NDST3: variants seen among roughly 807,000 people sequenced by gnomAD.
NDST3 encodes bifunctional heparan sulfate N-deacetylase/N-sulfotransferase 3.
In NDST3, 58 loss-of-function variants were observed where a neutral mutation model predicts 96.1. The observed-to-expected ratio is 0.60, with a 90% CI of 0.49 to 0.75. The LOEUF is 0.75. Among genes scored for constraint, NDST3 ranks in the 30% least tolerant of loss-of-function variants. The pLI is 0.00. For synonymous variants in NDST3, 333 were observed against 359.7 expected (o/e 0.93, Z 0.84); for missense variants, 788 against 1,034.2 (o/e 0.76, Z 3.27).
intron 6 of NDST3, chr4:118,193,390 G>A: frequency 1.2e-5 from 7 of 604,622 alleles, no homozygotes; most frequent in South Asian, 2.0e-5. Context: ...CAGGAGTAGG[G>A]CTGGTGGAGA....
intron 6 of NDST3, among the ~76,000 whole-genome samples, chr4:118,213,836 T>A (rs1424772232): frequency 1.3e-5 from 2 of 151,958 alleles, no homozygotes; most frequent in African/African-American, 4.8e-5. Context: ...GACTGTATAA[T>A]TTTTAAAAGC....
At chr4:118,114,679 A>T in intron 3 of NDST3, 127 bp from the exon 4 acceptor site, 1 of 1,021,028 alleles carries the variant, frequency 9.8e-7, no homozygotes, top group Non-Finnish European at 1.4e-6. Flanking sequence ...TTAAAGCCTT[A>T]TACGTAAAAC....
In NDST3 at chr4:118,206,516, G is replaced by A. The variant is rs767020906; in HGVS notation, c.1540-17975G>A. Among the ~76,000 whole-genome samples, 39 of 144,566 alleles carry A rather than the reference G, an allele frequency of 2.7e-4. 8 individuals carry two copies. Among genetic ancestry groups the A allele is most frequent in the Non-Finnish European group, 5.8e-4 (38 of 65,218 alleles). 94.8% of individuals were successfully genotyped at this position (144,566 alleles called of 152,430 possible). A position where few individuals can be genotyped will look rare whatever the true frequency, so the allele number is the denominator to read the frequency against. On this transcript the variant is annotated intron_variant, in intron 6 of 13. Transcript: ENST00000296499. ...TCTGGAATATAGGGTGTATGTGGTA[G>A]AAGATAAAACTCAAGAATGAATATA...
At chr4:118,242,390 G>A (rs1412871449) in intron 12 of NDST3, among the ~76,000 whole-genome samples, 1 of 152,114 alleles carries the variant, frequency 6.6e-6, no homozygotes, top group East Asian at 1.9e-4. Flanking sequence ...AAATAAAACA[G>A]TGGTAAATCT....
At chr4:118,133,384 G>A (rs1732799528) in intron 4 of NDST3, among the ~76,000 whole-genome samples, 1 of 152,140 alleles carries the variant, frequency 6.6e-6, no homozygotes, top group African/African-American at 2.4e-5. Context: ...CCCTGTCACT[G>A]TGCTCTCCCT....
intron 6 of NDST3, among the ~76,000 whole-genome samples, chr4:118,223,519 G>A (rs1739678675): frequency 6.6e-6 from 1 of 151,976 alleles, no homozygotes; most frequent in Non-Finnish European, 1.5e-5. Context: ...TCACAATGAA[G>A]CTTTTTATGT....
In NDST3 at chr4:118,194,214, A is replaced by C; in HGVS notation, c.1540-30277A>C. ...AGATTCTCCTGATGTTCAAAGAACT[A>C]GTCCTTGTAGCACCCTTCCAGTGCA... On this transcript the variant is annotated intron_variant, in intron 6 of 13. Coordinates refer to ENST00000296499, the MANE Select transcript of NDST3 (RefSeq NM_004784.3). 6.8e-6 allele frequency: 5 copies of C among 735,576 alleles called. No individual in the cohort carries two copies. In the South Asian group the frequency reaches 7.3e-5, roughly 11 times the overall value. 45.6% of individuals were successfully genotyped at this position (735,576 alleles called of 1,614,324 possible).
chr4:118,222,830 C>G (rs766829611), intron 6 of NDST3, among the ~76,000 whole-genome samples: 3 of 151,870 alleles, frequency 2.0e-5, no homozygotes, highest in African/African-American at 4.8e-5. Flanking sequence ...GAGAGTAGCT[C>G]TCTGCTTTAA....
intron 4 of NDST3, among the ~76,000 whole-genome samples, chr4:118,129,274 G>T (rs1261783383): frequency 6.6e-6 from 1 of 151,840 alleles, no homozygotes; most frequent in Non-Finnish European, 1.5e-5. Flanking sequence ...AAGATGCATT[G>T]TTAGATTATT....
At chr4:118,242,952 C>T (rs1267094467) in intron 12 of NDST3, among the ~76,000 whole-genome samples, 2 of 152,064 alleles carry the variant, frequency 1.3e-5, no homozygotes, top group Middle Eastern at 3.2e-3. Flanking sequence ...TTGAAGAAGA[C>T]CTCTATCTTA....
chr4:118,142,021 C>G (rs1733608553), intron 5 of NDST3, among the ~76,000 whole-genome samples: 1 of 151,902 alleles, frequency 6.6e-6, no homozygotes, highest in African/African-American at 2.4e-5. Flanking sequence ...ATTCCAAATG[C>G]TTTCCAAATT....
intron 12 of NDST3, among the ~76,000 whole-genome samples, chr4:118,245,513 T>G (rs1329492891): frequency 6.6e-6 from 1 of 152,200 alleles, no homozygotes; most frequent in East Asian, 1.9e-4. Context: ...GCTTTTAATA[T>G]AACTTCCTTG....
At chr4:118,193,838 TG>T in intron 6 of NDST3, 1 of 1,307,632 alleles carries the variant, frequency 7.6e-7, no homozygotes, top group South Asian at 1.3e-5. Context: ...TTGAAGGGCC[TG>T]TGCCTTCTGT....
chr4:118,160,704 T>C (rs762772141), intron 6 of NDST3, among the ~76,000 whole-genome samples: 5 of 152,240 alleles, frequency 3.3e-5, no homozygotes, highest in Admixed American at 3.3e-4. Context: ...TTCTCGAGCC[T>C]TGGCTTTCAG....
intron 2 of NDST3, among the ~76,000 whole-genome samples, chr4:118,075,514 A>C (rs1255313325): frequency 6.6e-6 from 1 of 151,908 alleles, no homozygotes; most frequent in African/African-American, 2.4e-5. Flanking sequence ...ACTCCCACCA[A>C]CAGTGTAAAA....
chr4:118,105,155 A>G, intron 3 of NDST3, 50 bp downstream of exon 3: 1 of 1,421,940 alleles, frequency 7.0e-7, no homozygotes, highest in Non-Finnish European at 9.9e-7. Context: ...TGATCACTCT[A>G]TTTAAAATTG....
intron 10 of NDST3, among the ~76,000 whole-genome samples, chr4:118,238,350 C>T (rs759592633): frequency 2.6e-4 from 39 of 152,126 alleles, no homozygotes; most frequent in Admixed American, 7.2e-4. Flanking sequence ...AAAACGATCA[C>T]TTTGAAATAA....
intron 9 of NDST3, among the ~76,000 whole-genome samples, chr4:118,233,554 A>C (rs764659627): frequency 7.7e-4 from 117 of 152,332 alleles, no homozygotes; most frequent in Non-Finnish European, 1.3e-3. Flanking sequence ...AAAAGGAAAA[A>C]TAAATAAATA....
At chr4:118,056,271 A>T (rs1725422494) in intron 2 of NDST3, among the ~76,000 whole-genome samples, 2 of 151,902 alleles carry the variant, frequency 1.3e-5, no homozygotes, top group African/African-American at 4.8e-5. Context: ...TGGTAAATAA[A>T]TCCCTGAGTT....
Sources: allele counts gnomAD v4.1 joint callset (sites outside exome capture counted in the v4.1 genomes callset), GRCh38; gene constraint gnomAD v4.1.1; transcripts MANE v1.5; gene names NCBI Gene and HGNC (gene_info 2026-07-23, HGNC 2026-07-21).